Variants in SIN3B observed in about 807,000 individuals in gnomAD.
SIN3B encodes paired amphipathic helix protein Sin3b.
SIN3B carries 19 observed loss-of-function variants against 120.2 expected under a neutral mutation model. The observed-to-expected ratio is 0.16, with a 90% confidence interval of 0.11 to 0.23. SIN3B has a LOEUF of 0.23. Among genes scored for constraint, SIN3B ranks in the 10% least tolerant of loss-of-function variants. The probability of loss-of-function intolerance (pLI) is 1.00; values close to 1 mark genes in which losing one functional copy is unlikely to be tolerated. For synonymous variants in SIN3B, 654 were observed against 653.2 expected (o/e 1.00, Z -0.02); for missense variants, 1,073 against 1,573.0 (o/e 0.68, Z 5.38).
chr19:16,878,150 G>GC, intron 17 of SIN3B, 33 bp from the exon 18 acceptor site: 1 of 1,507,556 alleles, frequency 6.6e-7, no homozygotes, highest in Non-Finnish European at 8.9e-7. Flanking sequence ...AATGCCGAGA[G>GC]CCAGAGTCCA....
At position 16,841,980 on chromosome 19, in the gene SIN3B, G is replaced by C; in HGVS notation, c.582+12G>C. 5.6e-6 allele frequency: 9 copies of C among 1,607,048 alleles called. No homozygotes were observed. The highest frequency in any genetic ancestry group is 7.7e-6 in the Non-Finnish European group (9 of 1,173,906). ...TGCACACGTACCAGGTAAGAACTCA[G>C]ATTACAATTCCTTGTGGGTTTTGGA... On this transcript the variant is annotated intron_variant, in intron 4 of 18. Transcript: ENST00000248054.
At chr19:16,846,570 C>T (rs953854967) in intron 4 of SIN3B, 8 of 165,796 alleles carry the variant, frequency 4.8e-5, no homozygotes, top group Non-Finnish European at 1.0e-4. Context: ...CTCAGTGACT[C>T]CGGGCCAGTA....
chr19:16,854,604 C>T (rs1971588172), intron 8 of SIN3B: 1 of 194,774 alleles, frequency 5.1e-6, no homozygotes. Context: ...ACGTTCTCCC[C>T]ATGTCTGCGT....
intron 6 of SIN3B, 111 bp downstream of exon 6, chr19:16,851,645 C>G: frequency 7.3e-7 from 1 of 1,376,498 alleles, no homozygotes; most frequent in Non-Finnish European, 9.5e-7. Flanking sequence ...GGGGCTGGAC[C>G]GGGGGCTGTG....
chr19:16,841,665 G>A, intron 3 of SIN3B, 103 bp from the exon 4 acceptor site: 2 of 1,105,032 alleles, frequency 1.8e-6, no homozygotes, highest in South Asian at 2.7e-5. Context: ...TTGGCTCCGT[G>A]CTGAGTTTTT....
intron 3 of SIN3B, among the ~76,000 whole-genome samples, chr19:16,835,681 A>C (rs1313719285): frequency 6.6e-6 from 1 of 151,630 alleles, no homozygotes; most frequent in Non-Finnish European, 1.5e-5. Context: ...CACCACACCC[A>C]GCTAATTTTT....
chr19:16,863,750 C>CA lies in SIN3B; in HGVS notation c.1338dup (p.Pro447ThrfsTer10), dbSNP rs1395776266. 1 of 1,614,082 alleles carries CA rather than the reference C, an allele frequency of 6.2e-7. No homozygotes were observed. Among genetic ancestry groups the CA allele is most frequent in the Non-Finnish European group, 8.5e-7 (1 of 1,180,018 alleles). On this transcript the variant is annotated frameshift_variant, in exon 10 of 19. Transcript: ENST00000248054. LOFTEE classifies it high-confidence loss of function. ...TCCACGTTCGTCAGCTCCAAGAAGA[C>CA]ACCGTACGAGGAGCAGCTTCACCGC... is the stretch of plus-strand genomic sequence containing the variant.
chr19:16,838,402 A>G (rs1221504030), intron 3 of SIN3B, among the ~76,000 whole-genome samples: 1 of 152,088 alleles, frequency 6.6e-6, no homozygotes, highest in Admixed American at 6.5e-5. Flanking sequence ...ATTTGCCCGT[A>G]TGGACATTTC....
Position 16,878,238 on chromosome 19 carries a change from G to A in SIN3B, c.3010G>A (p.Gly1004Ser), listed in dbSNP as rs765138509. The A allele has an allele frequency of 8.3e-5, 132 of 1,598,654 alleles. No homozygotes were observed. Among genetic ancestry groups the A allele is most frequent in the Non-Finnish European group, 1.0e-4 (117 of 1,172,924 alleles). ...WQSEQARALR[G>S]EARSSWKRLV... is the part of the protein sequence containing the mutation. The stretch of plus-strand genomic sequence containing the variant: ...GAGCGAGCAGGCGCGGGCCCTGCGC[G>A]GTGAGGCCAGGAGCTCCTGGAAGCG... The change falls in exon 18 of 19, where the codon GGT (glycine) becomes AGT (serine). Residue 1004 changes from glycine to serine, a missense_variant. Gly to Ser is a moderately conservative substitution (Grantham distance 56). Around this residue, in one of 7 missense-constraint regions of SIN3B, gnomAD observed 311 missense variants for 400.3 expected, o/e 0.78. Coordinates refer to ENST00000248054, the MANE Select transcript of SIN3B (RefSeq NM_001297595.2).
intron 5 of SIN3B, among the ~76,000 whole-genome samples, chr19:16,849,696 G>A (rs890227132): frequency 1.2e-4 from 19 of 152,176 alleles, no homozygotes; most frequent in African/African-American, 3.4e-4. Context: ...TTGGCTGGAC[G>A]CATGGCGGGT....
intron 3 of SIN3B, among the ~76,000 whole-genome samples, chr19:16,837,279 G>A (rs971518116): frequency 3.3e-5 from 5 of 152,076 alleles, no homozygotes; most frequent in African/African-American, 1.2e-4. Flanking sequence ...TTCTGCTGCT[G>A]TGCTGAGAAT....
chr19:16,854,200 C>T lies in SIN3B; in HGVS notation c.997C>T (p.Leu333Phe). 1 of 1,613,146 alleles carries T rather than the reference C, an allele frequency of 6.2e-7. No homozygotes were observed. Among genetic ancestry groups the T allele is most frequent in the Non-Finnish European group, 8.5e-7 (1 of 1,179,990 alleles). ...VYENFLRCIA[L>F]FNQELVSGSE... ...TGAAAACTTCCTCCGCTGCATCGCA[C>T]TCTTCAACCAGGAGCTGGTGTCTGG... The change falls in exon 8 of 19, where the codon CTC (leucine) becomes TTC (phenylalanine). Residue 333 changes from leucine to phenylalanine, a missense_variant. Physicochemically the swap from Leu to Phe is conservative, Grantham distance 22 (BLOSUM62 0). This residue lies in a region of SIN3B where 395 missense variants were observed against 528.0 expected (regional missense o/e 0.75). Coordinates refer to ENST00000248054, the MANE Select transcript of SIN3B (RefSeq NM_001297595.2).
chr19:16,857,517 ATGTGTGTGTGTGTG>A (rs72233219), intron 8 of SIN3B, among the ~76,000 whole-genome samples: 7 of 93,368 alleles, frequency 7.5e-5, no homozygotes, highest in Admixed American at 4.0e-4. Context: ...TAAAAAAAAT[ATGTGTGTGTGTGTG>A]TGTGTGTGTG....
At position 16,861,995 on chromosome 19, in the gene SIN3B, C is replaced by T. The variant is rs1568421140; in HGVS notation, c.1059-357C>T. Among the ~76,000 whole-genome samples, 3 of 152,300 alleles carry T rather than the reference C, an allele frequency of 2.0e-5. No homozygotes were observed. In the East Asian group the frequency reaches 5.8e-4, roughly 29 times the overall value. On this transcript the variant is annotated intron_variant, in intron 8 of 18. Coordinates refer to ENST00000248054, the MANE Select transcript of SIN3B (RefSeq NM_001297595.2). ...AGTGTGCAGACTGGCTGTGGCTTGCCACTCCCTGGCCTGAAGCCTGGCCTC... is the reference window on the plus strand; with the variant it reads ...AGTGTGCAGACTGGCTGTGGCTTGCTACTCCCTGGCCTGAAGCCTGGCCTC...
chr19:16,829,420 C>A lies in SIN3B; in HGVS notation c.-1C>A. On this transcript the variant is annotated 5_prime_UTR_variant, in exon 1 of 19. Coordinates refer to ENST00000248054, the MANE Select transcript of SIN3B (RefSeq NM_001297595.2). ...GGCGGGGCGCAGCTCCGACTTCGGACATGGCGCACGCTGGCGGTGGCAGCG... is the reference window on the plus strand; with the variant it reads ...GGCGGGGCGCAGCTCCGACTTCGGAAATGGCGCACGCTGGCGGTGGCAGCG... The A allele has an allele frequency of 3.3e-6, 4 of 1,205,354 alleles. No homozygotes were observed. The highest frequency in any genetic ancestry group is 4.1e-6 in the Non-Finnish European group (4 of 970,644). The allele number at this position is 1,205,354 out of a possible 1,614,324, so 74.7% of individuals were successfully genotyped here. A position where few individuals can be genotyped will look rare whatever the true frequency, so the allele number is the denominator to read the frequency against.
chr19:16,837,064 A>G (rs1396404896), intron 3 of SIN3B, among the ~76,000 whole-genome samples: 1 of 152,118 alleles, frequency 6.6e-6, no homozygotes, highest in East Asian at 1.9e-4. Flanking sequence ...AGGATGGAGC[A>G]GGCCAGGGAA....
intron 5 of SIN3B, among the ~76,000 whole-genome samples, chr19:16,848,038 G>A (rs1428931439): frequency 6.6e-6 from 1 of 152,176 alleles, no homozygotes; most frequent in Non-Finnish European, 1.5e-5. Context: ...CTCTCACTCA[G>A]CATCATGTTT....
At chr19:16,858,272 G>A (rs1971642603) in intron 8 of SIN3B, among the ~76,000 whole-genome samples, 2 of 152,080 alleles carry the variant, frequency 1.3e-5, no homozygotes, top group South Asian at 4.2e-4. Context: ...ATGCCCCTCT[G>A]CCTATCCCTG....
At position 16,853,149 on chromosome 19, in the gene SIN3B, C is replaced by G; in HGVS notation, c.930C>G (p.Phe310Leu). 3 of 1,614,086 alleles carry G rather than the reference C, an allele frequency of 1.9e-6. No homozygotes were observed. The highest frequency in any genetic ancestry group is 2.5e-6 in the Non-Finnish European group (3 of 1,179,908). The change falls in exon 7 of 19, where the codon TTC becomes TTG. Residue 310 changes from phenylalanine (F) to leucine (L), a missense_variant. Phe to Leu is a conservative substitution (Grantham distance 22). Around this residue, in one of 7 missense-constraint regions of SIN3B, gnomAD observed 395 missense variants for 528.0 expected, o/e 0.75. Coordinates refer to ENST00000248054, the MANE Select transcript of SIN3B (RefSeq NM_001297595.2). The part of the protein sequence containing the change: ...GKYGTLQEFS[F>L]FDKVRRVLKS... ...ACGGGACTCTGCAGGAATTTTCTTT[C>G]TTTGACAAGGTGAGGGTGGGCCCTG...
Sources: allele counts gnomAD v4.1 joint callset (sites outside exome capture counted in the v4.1 genomes callset), GRCh38; gene constraint gnomAD v4.1.1; regional missense constraint gnomAD v4.1.1; transcripts MANE v1.5; gene names NCBI Gene and HGNC (gene_info 2026-07-23, HGNC 2026-07-21).